Variants in CAMK1D observed in about 807,000 individuals in gnomAD.
CAMK1D encodes the protein calcium/calmodulin-dependent protein kinase type 1D.
A neutral mutation model predicts 47.7 loss-of-function variants in CAMK1D; 9 were observed. The observed-to-expected ratio is 0.19, with a 90% CI of 0.11 to 0.33. The LOEUF is 0.33. CAMK1D is among the 10% of genes least tolerant of loss of function. CAMK1D has a pLI of 1.00. For synonymous variants in CAMK1D, 184 were observed against 184.9 expected, an observed-to-expected ratio of 0.99 and a Z score of 0.04; for missense variants, 291 against 488.7, an observed-to-expected ratio of 0.60 and a Z score of 3.81.
chr10:12,366,566 G>A (rs537433495), intron 1 of CAMK1D, among the ~76,000 whole-genome samples: 3 of 151,932 alleles, frequency 2.0e-5, no homozygotes, highest in Non-Finnish European at 4.4e-5. Context: ...GGCTGAGGCA[G>A]GAGAATCGCT....
chr10:12,644,198 C>T (rs553645974), intron 2 of CAMK1D, among the ~76,000 whole-genome samples: 36 of 152,276 alleles, frequency 2.4e-4, no homozygotes, highest in African/African-American at 8.7e-4. Flanking sequence ...TTGGAGTTCC[C>T]CGTAAACTTC....
At chr10:12,828,638 C>T (rs1833343830) in intron 10 of CAMK1D, 131 bp from the exon 11 acceptor site, 2 of 639,652 alleles carry the variant, frequency 3.1e-6, no homozygotes, top group Non-Finnish European at 2.6e-6. Context: ...GAAACTCCAT[C>T]TCAAGAAAAA....
chr10:12,508,793 C>T (rs887582369), intron 1 of CAMK1D, among the ~76,000 whole-genome samples: 4 of 152,124 alleles, frequency 2.6e-5, no homozygotes, highest in African/African-American at 7.2e-5. Context: ...CTTGGGGGAC[C>T]CACTTGACTT....
At chr10:12,715,297 G>A (rs1564513215) in intron 3 of CAMK1D, among the ~76,000 whole-genome samples, 1 of 152,122 alleles carries the variant, frequency 6.6e-6, no homozygotes, top group Non-Finnish European at 1.5e-5. Flanking sequence ...CACCCAATTG[G>A]TCACTTCTGT....
At chr10:12,551,915 C>T (rs1045694389) in intron 1 of CAMK1D, among the ~76,000 whole-genome samples, 1 of 152,186 alleles carries the variant, frequency 6.6e-6, no homozygotes. Flanking sequence ...TGCCATAACA[C>T]TGGGGCTTCC....
rs574770067 is a variant in CAMK1D at position 12,417,947 on chromosome 10, G to A, written c.92+68037G>A. Among the ~76,000 whole-genome samples, 9 of 152,066 alleles carry A rather than the reference G, an allele frequency of 5.9e-5. No homozygotes were observed. The East Asian group carries it at 9.7e-4, about 16-fold the overall frequency. ...CTCCCGAATAGCTGGGATTACAGGC[G>A]CCTGCCACCACACCCGGCTAATTTT... On this transcript the variant is annotated intron_variant, in intron 1 of 10. Coordinates refer to ENST00000619168, the MANE Select transcript of CAMK1D (RefSeq NM_153498.4).
chr10:12,444,838 A>G (rs1832882967), intron 1 of CAMK1D, among the ~76,000 whole-genome samples: 1 of 152,202 alleles, frequency 6.6e-6, no homozygotes, highest in Non-Finnish European at 1.5e-5. Context: ...ATGCAGATGA[A>G]GCCTCCAGGT....
intron 1 of CAMK1D, among the ~76,000 whole-genome samples, chr10:12,430,946 C>T (rs959681063): frequency 6.6e-6 from 1 of 152,160 alleles, no homozygotes; most frequent in Non-Finnish European, 1.5e-5. Context: ...GACGGGATTT[C>T]GCCATGCTGG....
intron 2 of CAMK1D, among the ~76,000 whole-genome samples, chr10:12,580,579 A>T (rs1008165625): frequency 6.6e-6 from 1 of 152,192 alleles, no homozygotes; most frequent in Non-Finnish European, 1.5e-5. Context: ...TTCACTTTGT[A>T]CTTGAAAAAT....
At chr10:12,764,146 G>A (rs1397864326) in intron 4 of CAMK1D, among the ~76,000 whole-genome samples, 7 of 152,104 alleles carry the variant, frequency 4.6e-5, no homozygotes, top group Admixed American at 2.0e-4. Flanking sequence ...TTTGGGAGGC[G>A]GAGGCGGGTG....
chr10:12,694,652 G>C (rs891718502), intron 3 of CAMK1D, among the ~76,000 whole-genome samples: 10 of 142,648 alleles, frequency 7.0e-5, no homozygotes, highest in Non-Finnish European at 1.4e-4. Flanking sequence ...AATTTTTCCA[G>C]AATTAAAGTT....
chr10:12,619,795 C>G (rs1313516375), intron 2 of CAMK1D, among the ~76,000 whole-genome samples: 3 of 151,992 alleles, frequency 2.0e-5, no homozygotes, highest in African/African-American at 4.8e-5. Flanking sequence ...GATACAAAAG[C>G]TTCTGGAATT....
intron 3 of CAMK1D, among the ~76,000 whole-genome samples, chr10:12,700,375 T>A (rs1833466872): frequency 1.3e-5 from 2 of 152,048 alleles, no homozygotes; most frequent in African/African-American, 4.8e-5. Flanking sequence ...AGGGAGAAGC[T>A]CCTTATAAAA....
At chr10:12,810,495 G>A (rs1032593986) in intron 6 of CAMK1D, among the ~76,000 whole-genome samples, 7 of 152,090 alleles carry the variant, frequency 4.6e-5, no homozygotes, top group South Asian at 2.1e-4. Flanking sequence ...GGCTGGTCTC[G>A]AACTCCTGAC....
At chr10:12,537,792 G>C (rs1836025400) in intron 1 of CAMK1D, among the ~76,000 whole-genome samples, 1 of 152,130 alleles carries the variant, frequency 6.6e-6, no homozygotes, top group Non-Finnish European at 1.5e-5. Flanking sequence ...CCTTTCCGCT[G>C]AGACTTTTGG....
At chr10:12,828,678 AT>A in intron 10 of CAMK1D, 90 bp from the exon 11 acceptor site, 20 of 871,300 alleles carry the variant, frequency 2.3e-5, no homozygotes, top group Non-Finnish European at 2.7e-5. Context: ...GCCCCCCACC[AT>A]AAACCCAGCC....
At chr10:12,603,103 G>C (rs1838353605) in intron 2 of CAMK1D, among the ~76,000 whole-genome samples, 1 of 151,904 alleles carries the variant, frequency 6.6e-6, no homozygotes, top group South Asian at 2.1e-4. Flanking sequence ...TAAAGATGGG[G>C]TTTCGCCATG....
intron 5 of CAMK1D, among the ~76,000 whole-genome samples, chr10:12,778,245 C>G (rs1346576796): frequency 6.6e-6 from 1 of 152,212 alleles, no homozygotes; most frequent in African/African-American, 2.4e-5. Context: ...TAAATGAGCT[C>G]TCTAACAATG....
intron 1 of CAMK1D, among the ~76,000 whole-genome samples, chr10:12,408,701 A>G (rs1382757266): frequency 6.6e-6 from 1 of 152,118 alleles, no homozygotes; most frequent in Non-Finnish European, 1.5e-5. Context: ...AGCAACGTGC[A>G]AGGCCCGCTT....
Sources: allele counts gnomAD v4.1 joint callset (sites outside exome capture counted in the v4.1 genomes callset), GRCh38; gene constraint gnomAD v4.1.1; transcripts MANE v1.5; gene names NCBI Gene and HGNC (gene_info 2026-07-23, HGNC 2026-07-21).